The following ZNF507 variants were observed in gnomAD, a reference collection of about 807,000 sequenced individuals.
ZNF507 encodes zinc finger protein 507.
Under a neutral mutation model 80.0 loss-of-function variants are expected in ZNF507, and 29 were observed. The observed-to-expected ratio is 0.36, with a 90% confidence interval of 0.27 to 0.49. ZNF507 has a LOEUF of 0.49. Among genes scored for constraint, ZNF507 ranks in the 20% least tolerant of loss-of-function variants. The pLI is 0.98. For missense variants in ZNF507, 1,081 were observed against 1,152.2 expected (o/e 0.94, Z 0.90); for synonymous variants, 462 against 422.5 (o/e 1.09, Z -1.15).
intron 5 of ZNF507, among the ~76,000 whole-genome samples, chr19:32,362,988 G>A (rs573800008): frequency 3.9e-5 from 6 of 152,206 alleles, no homozygotes; most frequent in South Asian, 2.1e-4. Flanking sequence ...ATTTCTGGTC[G>A]CAGAGCATTA....
intron 5 of ZNF507, among the ~76,000 whole-genome samples, chr19:32,362,130 C>G (rs892223713): frequency 6.6e-6 from 1 of 152,124 alleles, no homozygotes; most frequent in African/African-American, 2.4e-5. Flanking sequence ...CTCAAGTGTC[C>G]GCCCACCTTG....
chr19:32,348,651 C>CT (rs2145311019), intron 2 of ZNF507, among the ~76,000 whole-genome samples: 1 of 152,324 alleles, frequency 6.6e-6, no homozygotes, highest in South Asian at 2.1e-4. Context: ...GGTTATAGAA[C>CT]TTTTCTGGTT....
In ZNF507 at chr19:32,354,963, C is replaced by T. The variant is rs1156993661; in HGVS notation, c.2127+6C>T. 1.5e-5 allele frequency: 24 copies of T among 1,588,298 alleles called. No homozygotes were observed. The highest frequency in any genetic ancestry group is 2.1e-5 in the Non-Finnish European group (24 of 1,166,762). On this transcript the variant is annotated splice_donor_region_variant and intron_variant, in intron 3 of 6. Transcript: ENST00000355898. ...AAGAATCCTTCCATTATAAGGTAAG[C>T]ATTGGTTCAGGAAGTCTTTCAGAGG...
chr19:32,353,833 T>C lies in ZNF507; in HGVS notation c.1003T>C (p.Ser335Pro), dbSNP rs747198748. ...QICSSEQLSS[S>P]SPLEQSAERG... is the part of the protein sequence containing the mutation. ...TTGCAGCTCAGAACAGTTATCATCT[T>C]CATCTCCTTTAGAACAGAGTGCAGA... is the stretch of plus-strand genomic sequence containing the variant. The change falls in exon 3 of 7, where the codon TCA becomes CCA. Residue 335 changes from serine to proline, a missense_variant. This residue lies in a region of ZNF507 where 614 missense variants were observed against 583.9 expected (regional missense o/e 1.05). Transcript: ENST00000355898. The C allele has an allele frequency of 3.4e-5, 55 of 1,614,080 alleles. No homozygotes were observed. The highest frequency in any genetic ancestry group is 4.3e-5 in the Non-Finnish European group (51 of 1,180,042).
chr19:32,369,166 G>C (rs1028206429), intron 5 of ZNF507, among the ~76,000 whole-genome samples: 9 of 152,202 alleles, frequency 5.9e-5, no homozygotes, highest in Non-Finnish European at 1.0e-4. Flanking sequence ...GCATTGGGAA[G>C]AAATCATTTT....
chr19:32,346,511 C>G (rs1057449546), intron 1 of ZNF507, among the ~76,000 whole-genome samples: 3 of 152,220 alleles, frequency 2.0e-5, no homozygotes, highest in Non-Finnish European at 4.4e-5. Flanking sequence ...TTTGCACTTT[C>G]TCCAGTACTC....
At chr19:32,375,052 T>C (rs1335110342) in intron 5 of ZNF507, among the ~76,000 whole-genome samples, 1 of 151,826 alleles carries the variant, frequency 6.6e-6, no homozygotes, top group African/African-American at 2.4e-5. Context: ...GCCTCCTGAG[T>C]ATGGCAGTAG....
chr19:32,370,154 G>A lies in ZNF507; in HGVS notation c.2360+9536G>A, dbSNP rs138945256. On this transcript the variant is annotated intron_variant, in intron 5 of 6. Transcript: ENST00000355898. ...TCACGTTTTCTTTATCCGTTTGTCCGTCAGTGGACACTTAGGTTGTTTCCA... is the reference window on the plus strand; with the variant it reads ...TCACGTTTTCTTTATCCGTTTGTCCATCAGTGGACACTTAGGTTGTTTCCA... Among the ~76,000 whole-genome samples the A allele has an allele frequency of 1.1e-3, 165 of 152,312 alleles. 1 individual carries two copies. Among genetic ancestry groups the A allele is most frequent in the African/African-American group, 3.7e-3 (154 of 41,578 alleles).
At chr19:32,371,785 G>A (rs887400702) in intron 5 of ZNF507, among the ~76,000 whole-genome samples, 6 of 151,446 alleles carry the variant, frequency 4.0e-5, no homozygotes, top group Admixed American at 1.3e-4. Flanking sequence ...GATTACAGGC[G>A]CCCGCTACCA....
rs752477658 is a variant in ZNF507, at chr19:32,354,558, T to A, written c.1728T>A (p.Asp576Glu). ...CAGAGGGTAGGCAGGAATTGTCAGATGGGCAGGTTAAGACAGGCATCAGCA... is the reference window on the plus strand; with the variant it reads ...CAGAGGGTAGGCAGGAATTGTCAGAAGGGCAGGTTAAGACAGGCATCAGCA... ...ALPEGRQELS[D>E]GQVKTGISMS... The change falls in exon 3 of 7, where the codon GAT becomes GAA. Residue 576 changes from aspartate (D) to glutamate (E), a missense_variant. Physicochemically the swap from Asp to Glu is conservative, Grantham distance 45 (BLOSUM62 2). Around this residue, in one of 6 missense-constraint regions of ZNF507, gnomAD observed 614 missense variants for 583.9 expected, o/e 1.05. Transcript: ENST00000355898. 2 of 1,614,150 alleles carry A rather than the reference T, an allele frequency of 1.2e-6. No homozygotes were observed.
In ZNF507 at chr19:32,387,422, A is replaced by C. The variant is rs1277574368; in HGVS notation, c.*4339A>C. ...TTTCGTCCCATGCTTCCCAGGGACA[A>C]CATAATCATATCCCCTGTCTTTGAA... On this transcript the variant is annotated 3_prime_UTR_variant, in exon 7 of 7. Coordinates refer to ENST00000355898, the MANE Select transcript of ZNF507 (RefSeq NM_001136156.2). 1 of 152,212 alleles carries C rather than the reference A, an allele frequency of 6.6e-6. No homozygotes were observed. Among genetic ancestry groups the C allele is most frequent in the Non-Finnish European group, 1.5e-5 (1 of 68,034 alleles). 9.4% of individuals were successfully genotyped at this position (152,212 alleles called of 1,614,324 possible). A position where few individuals can be genotyped will look rare whatever the true frequency, so the allele number is the denominator to read the frequency against.
intron 1 of ZNF507, among the ~76,000 whole-genome samples, chr19:32,346,805 G>C (rs963846721): frequency 6.6e-6 from 1 of 152,150 alleles, no homozygotes; most frequent in Non-Finnish European, 1.5e-5. Flanking sequence ...AAGATATATA[G>C]GTCACACCAC....
At position 32,352,878 on chromosome 19, in the gene ZNF507, A is replaced by G; in HGVS notation, c.48A>G (p.Glu16=). 6.2e-7 allele frequency: 1 copy of G among 1,601,884 alleles called. No individual in the cohort carries two copies. Among genetic ancestry groups the G allele is most frequent in the Non-Finnish European group, 8.5e-7 (1 of 1,176,576 alleles). ...CCATGTTGGTGCCAGATATTGGGGA[A>G]CAGGAAGCTATACTGACTGCTGAAA... The part of the protein sequence containing the change: ...SVAMLVPDIG[E]QEAILTAESI... The change falls in exon 3 of 7, where the codon GAA becomes GAG. Residue 16 remains glutamate, a synonymous_variant. Coordinates refer to ENST00000355898, the MANE Select transcript of ZNF507 (RefSeq NM_001136156.2).
intron 5 of ZNF507, among the ~76,000 whole-genome samples, chr19:32,362,209 G>A (rs879862789): frequency 2.9e-4 from 44 of 152,332 alleles, no homozygotes; most frequent in Admixed American, 2.5e-3. Flanking sequence ...GTGGGACTGA[G>A]TATATTTACA....
intron 5 of ZNF507, among the ~76,000 whole-genome samples, chr19:32,368,984 G>A (rs1468919): frequency 6.6e-6 from 1 of 152,074 alleles, no homozygotes; most frequent in Non-Finnish European, 1.5e-5. Flanking sequence ...CCAGGAAAGT[G>A]GGGGGTTTTA....
rs1449599799 is a variant in ZNF507 at position 32,384,876 on chromosome 19, C to T, written c.*1793C>T. On this transcript the variant is annotated 3_prime_UTR_variant, in exon 7 of 7. Coordinates refer to ENST00000355898, the MANE Select transcript of ZNF507 (RefSeq NM_001136156.2). ...AAATGGATTTATATATACTATATTC[C>T]TCAAATCCACTGTATGTGGACTTAT... is the stretch of plus-strand genomic sequence containing the variant. The T allele has an allele frequency of 1.3e-5, 2 of 151,892 alleles. No homozygotes were observed. Among genetic ancestry groups the T allele is most frequent in the Non-Finnish European group, 2.9e-5 (2 of 67,982 alleles). The allele number at this position is 151,892 out of a possible 1,614,324, so 9.4% of individuals were successfully genotyped here.
chr19:32,356,663 C>T lies in ZNF507; in HGVS notation c.2175C>T (p.Thr725=). ...GAGAACAGCACAGTCTTCCAGATACCTTGTCAATAGCAACTTCTAATGAGC... is the reference window on the plus strand; with the variant it reads ...GAGAACAGCACAGTCTTCCAGATACTTTGTCAATAGCAACTTCTAATGAGC... ...HEREQHSLPD[T]LSIATSNEPR... The change falls in exon 4 of 7, where the codon ACC becomes ACT. Residue 725 remains threonine (T), a synonymous_variant. Coordinates refer to ENST00000355898, the MANE Select transcript of ZNF507 (RefSeq NM_001136156.2). 1 of 1,614,036 alleles carries T rather than the reference C, an allele frequency of 6.2e-7. No homozygotes were observed. The highest frequency in any genetic ancestry group is 8.5e-7 in the Non-Finnish European group (1 of 1,179,986).
chr19:32,355,032 C>G, intron 3 of ZNF507, 75 bp downstream of exon 3: 1 of 1,359,350 alleles, frequency 7.4e-7, no homozygotes, highest in Non-Finnish European at 9.8e-7. Context: ...TAGATCTAAT[C>G]CAATCACCTC....
rs1299807669 is a variant in ZNF507, at chr19:32,354,364, A to G, written c.1534A>G (p.Arg512Gly). The G allele has an allele frequency of 6.2e-7, 1 of 1,614,202 alleles. No homozygotes were observed. The highest frequency in any genetic ancestry group is 8.5e-7 in the Non-Finnish European group (1 of 1,180,036). Residue 512 changes from arginine to glycine, a missense_variant, in exon 3 of 7, where the codon AGA becomes GGA. Arg to Gly is a moderately radical substitution (Grantham distance 125). This residue lies in a region of ZNF507 where 614 missense variants were observed against 583.9 expected (regional missense o/e 1.05). Coordinates refer to ENST00000355898, the MANE Select transcript of ZNF507 (RefSeq NM_001136156.2). ...TMPIRAAELT[R>G]ANLGHYGDIN... ...GCCTATAAGAGCTGCAGAGTTGACA[A>G]GAGCCAACCTGGGGCACTATGGAGA...
Sources: allele counts gnomAD v4.1 joint callset (sites outside exome capture counted in the v4.1 genomes callset), GRCh38; gene constraint gnomAD v4.1.1; regional missense constraint gnomAD v4.1.1; transcripts MANE v1.5; gene names NCBI Gene and HGNC (gene_info 2026-07-23, HGNC 2026-07-21).